CCDC102A: variants seen among roughly 807,000 people sequenced by gnomAD.
CCDC102A encodes coiled-coil domain containing 102A.
CCDC102A carries 40 observed loss-of-function variants against 55.5 expected under a neutral mutation model. The ratio of observed to expected loss-of-function variants is 0.72; its 90% CI spans 0.56 to 0.94. CCDC102A has a LOEUF of 0.94. CCDC102A is among the 40% of genes least tolerant of loss of function. The pLI, the probability that CCDC102A is intolerant of heterozygous loss-of-function variation, is 0.00. For synonymous variants in CCDC102A, 323 were observed against 339.0 expected, an observed-to-expected ratio of 0.95 and a Z score of 0.52; for missense variants, 779 against 768.6, an observed-to-expected ratio of 1.01 and a Z score of -0.16.
Position 57,518,744 on chromosome 16 carries a change from G to A in CCDC102A, c.922-3C>T. Reference sequence around the variant, plus strand: ...TGCGCCTCCTTCAGGATGCTGAGCTGCAGGGATAAGGCCCCACCTGGTCAT... The same window carrying A: ...TGCGCCTCCTTCAGGATGCTGAGCTACAGGGATAAGGCCCCACCTGGTCAT... On this transcript the variant is annotated splice_region_variant and splice_polypyrimidine_tract_variant and intron_variant, in intron 4 of 8. Transcript: ENST00000258214. The A allele has an allele frequency of 6.3e-7, 1 of 1,594,868 alleles. No homozygotes were observed. Among genetic ancestry groups the A allele is most frequent in the East Asian group, 2.3e-5 (1 of 44,052 alleles).
At chr16:57,533,044 A>C (rs1409558867) in intron 1 of CCDC102A, among the ~76,000 whole-genome samples, 1 of 152,186 alleles carries the variant, frequency 6.6e-6, no homozygotes, top group East Asian at 1.9e-4. Context: ...CAGGAATCCA[A>C]GCCTGTTGGG....
Position 57,518,073 on chromosome 16 carries a change from T to C in CCDC102A, c.1243A>G (p.Asn415Asp). Reference protein sequence around the residue: ...RASQAALFEKNKELADLKHVH... With the variant: ...RASQAALFEKDKELADLKHVH... ...CACTCCACTCCTTGCCCCACCTTGT[T>C]CTTCTCGAAGAGCGCGGCCTGGCTG... Residue 415 changes from asparagine to aspartate, a missense_variant, in exon 6 of 9, where the codon AAC becomes GAC. Coordinates refer to ENST00000258214, the MANE Select transcript of CCDC102A (RefSeq NM_033212.4). 6.3e-7 allele frequency: 1 copy of C among 1,597,356 alleles called. No homozygotes were observed. Among genetic ancestry groups the C allele is most frequent in the Non-Finnish European group, 8.5e-7 (1 of 1,174,274 alleles).
intron 3 of CCDC102A, among the ~76,000 whole-genome samples, chr16:57,521,989 G>T (rs562670184): frequency 1.1e-4 from 17 of 152,288 alleles, no homozygotes; most frequent in African/African-American, 4.1e-4. Flanking sequence ...AATGATTAGG[G>T]GTCATTTAGT....
intron 1 of CCDC102A, among the ~76,000 whole-genome samples, chr16:57,532,900 T>A (rs891608365): frequency 6.6e-6 from 1 of 152,090 alleles, no homozygotes; most frequent in Non-Finnish European, 1.5e-5. Context: ...GCCCGGGCCC[T>A]GTCTGCTGGG....
At chr16:57,518,850 C>T (rs949768332) in intron 4 of CCDC102A, 109 bp from the exon 5 acceptor site, 53 of 775,112 alleles carry the variant, frequency 6.8e-5, no homozygotes, top group Non-Finnish European at 9.0e-5. Flanking sequence ...GCCAAGGCAG[C>T]GCCCAAATGG....
At chr16:57,522,452 G>T (rs1411257272) in intron 3 of CCDC102A, among the ~76,000 whole-genome samples, 1 of 152,144 alleles carries the variant, frequency 6.6e-6, no homozygotes, top group Non-Finnish European at 1.5e-5. Context: ...GTTCCTGTCT[G>T]TTCACAGCTC....
At chr16:57,530,284 C>T (rs1190979435) in intron 1 of CCDC102A, among the ~76,000 whole-genome samples, 2 of 152,156 alleles carry the variant, frequency 1.3e-5, no homozygotes, top group African/African-American at 4.8e-5. Flanking sequence ...ATGGGCCATG[C>T]CCCCCTCCTC....
In CCDC102A at chr16:57,516,362, C is replaced by A; in HGVS notation, c.1350G>T (p.Glu450Asp). ...AHANRRVEQH[E>D]AEVKKLRLRV... ...GCAGCCGCAGCTTCTTCACCTCAGC[C>A]TCGTGCTGCTCCACCCGCCGGTTGG... The change falls in exon 7 of 9, where the codon GAG becomes GAT. Residue 450 changes from glutamate to aspartate, a missense_variant. Transcript: ENST00000258214. This position sits in a 1 kb window ranked among gnomAD's most constrained non-coding sequence, Gnocchi z 4.4. 6.2e-7 allele frequency: 1 copy of A among 1,609,002 alleles called. No homozygotes were observed.
chr16:57,520,591 C>CATAAATAAAATAAA (rs1435088899), intron 4 of CCDC102A, among the ~76,000 whole-genome samples: 1 of 103,592 alleles, frequency 9.7e-6, no homozygotes, highest in Non-Finnish European at 2.0e-5. Flanking sequence ...CATAACATAA[C>CATAAATAAAATAAA]ATAAATAAAA....
At chr16:57,521,403 G>A (rs1462630156) in intron 3 of CCDC102A, among the ~76,000 whole-genome samples, 2 of 152,194 alleles carry the variant, frequency 1.3e-5, no homozygotes, top group African/African-American at 4.8e-5. Flanking sequence ...CACATTGTGG[G>A]GAGGTGGTCG....
At chr16:57,526,521 CAAATAGT>C (rs1469473743) in intron 2 of CCDC102A, among the ~76,000 whole-genome samples, 1 of 152,130 alleles carries the variant, frequency 6.6e-6, no homozygotes, top group Non-Finnish European at 1.5e-5. Flanking sequence ...TTTTCAGGGG[CAAATAGT>C]AAGGCATGGG....
chr16:57,524,321 T>C (rs3803597), intron 3 of CCDC102A, among the ~76,000 whole-genome samples: 47,576 of 150,754 alleles, frequency 0.32, 9,378 homozygotes, highest in African/African-American at 0.57. Flanking sequence ...GAGGTACTTG[T>C]CCGGGGATGC....
chr16:57,521,348 G>A (rs1325405555), intron 3 of CCDC102A, among the ~76,000 whole-genome samples, 172 bp from the exon 4 acceptor site: 2 of 152,324 alleles, frequency 1.3e-5, no homozygotes, highest in African/African-American at 4.8e-5. Flanking sequence ...TGGCTTTGCA[G>A]TTCTCCTGGA....
Position 57,528,667 on chromosome 16 carries a change from G to A in CCDC102A, c.511C>T (p.Arg171Cys), listed in dbSNP as rs2032189046. The A allele has an allele frequency of 1.7e-6, 2 of 1,145,642 alleles. No individual in the cohort carries two copies. Among genetic ancestry groups the A allele is most frequent in the Non-Finnish European group, 2.2e-6 (2 of 928,902 alleles). The allele number at this position is 1,145,642 out of a possible 1,614,324, so 71.0% of individuals were successfully genotyped here. A position where few individuals can be genotyped will look rare whatever the true frequency, so the allele number is the denominator to read the frequency against. The part of the protein sequence containing the change: ...RGARGVADQT[R>C]DGPEPEAERE... The stretch of plus-strand genomic sequence containing the variant: ...TCCGCTTCCGGCTCGGGGCCGTCGC[G>A]CGTCTGGTCGGCGACCCCCCGGGCG... Residue 171 changes from arginine (R) to cysteine (C), a missense_variant, in exon 2 of 9, where the codon CGC becomes TGC. Physicochemically the swap from Arg to Cys is radical, Grantham distance 180. Transcript: ENST00000258214.
At chr16:57,520,818 T>C (rs1254028307) in intron 4 of CCDC102A, among the ~76,000 whole-genome samples, 2 of 150,952 alleles carry the variant, frequency 1.3e-5, no homozygotes, top group African/African-American at 4.9e-5. Context: ...CGGGTGCCTG[T>C]AATCCCAGCT....
intron 8 of CCDC102A, 43 bp from the exon 9 acceptor site, chr16:57,512,913 T>C (rs1598068540): frequency 6.3e-7 from 1 of 1,578,402 alleles, no homozygotes; most frequent in East Asian, 2.3e-5. Flanking sequence ...GCCTGGCTGG[T>C]AGTCCCCCGA....
chr16:57,536,809 C>T (rs1289344306), upstream of CCDC102A, among the ~76,000 whole-genome samples: 1 of 152,148 alleles, frequency 6.6e-6, no homozygotes, highest in African/African-American at 2.4e-5. Context: ...GCCCCACCCC[C>T]GTGAGGGGCC....
chr16:57,518,775 CCACCAGGATATAGCCTGG>C, intron 4 of CCDC102A, 34 bp from the exon 5 acceptor site: 2 of 1,531,454 alleles, frequency 1.3e-6, no homozygotes, highest in Non-Finnish European at 1.8e-6. Flanking sequence ...GTCATGAGAA[CCACCAGGATATAGCCTGG>C]AACCACCTCC....
rs1377550279 is a variant in CCDC102A, at chr16:57,518,667, T to A, written c.996A>T (p.Ala332=). ...CCATTTTCCGGTCCATGCTGGAGCG[T>A]GCACCGAGCTCATCTTCCAGGTCCT... is the stretch of plus-strand genomic sequence containing the variant. ...MSEDLEDELG[A]RSSMDRKMAE... The change falls in exon 5 of 9, where the codon GCA becomes GCT. Residue 332 remains alanine, a synonymous_variant. Coordinates refer to ENST00000258214, the MANE Select transcript of CCDC102A (RefSeq NM_033212.4). 2 of 1,613,890 alleles carry A rather than the reference T, an allele frequency of 1.2e-6. No homozygotes were observed. The highest frequency in any genetic ancestry group is 1.3e-5 in the African/African-American group (1 of 75,046).
Sources: allele counts gnomAD v4.1 joint callset (sites outside exome capture counted in the v4.1 genomes callset), GRCh38; gene constraint gnomAD v4.1.1; non-coding constraint Gnocchi (gnomAD v3.1); transcripts MANE v1.5; gene names NCBI Gene and HGNC (gene_info 2026-07-23, HGNC 2026-07-21).